Variants in GLIS1 observed in about 807,000 individuals in gnomAD.
GLIS1 encodes zinc finger protein GLIS1.
GLIS1 carries 24 observed loss-of-function variants against 63.8 expected under a neutral mutation model. That is an observed-to-expected ratio of 0.38 (90% CI 0.27 to 0.53). The LOEUF (loss-of-function observed/expected upper bound fraction) is 0.53, where lower values mean the gene tolerates loss of function less well. Ranked by LOEUF, GLIS1 falls within the 20% of genes least tolerant of loss-of-function variation. The probability of loss-of-function intolerance (pLI) is 0.85; values close to 1 mark genes in which losing one functional copy is unlikely to be tolerated. For synonymous variants in GLIS1, 450 were observed against 482.5 expected, an observed-to-expected ratio of 0.93 and a Z score of 0.88; for missense variants, 1,036 against 1,074.1, an observed-to-expected ratio of 0.96 and a Z score of 0.50.
chr1:53,583,225 A>G (rs2100500698), intron 4 of GLIS1, among the ~76,000 whole-genome samples: 1 of 152,338 alleles, frequency 6.6e-6, no homozygotes, highest in Admixed American at 6.5e-5. Flanking sequence ...ACTGTGAAAC[A>G]GCAATCCAGC....
chr1:53,555,932 G>GGTGTGTGTGCAGGTGTACTGCAGGTAT (rs1644816514), intron 4 of GLIS1, among the ~76,000 whole-genome samples: 2 of 131,282 alleles, frequency 1.5e-5, no homozygotes, highest in Admixed American at 7.8e-5. Flanking sequence ...GTGTATTGCA[G>GGTGTGTGTGCAGGTGTACTGCAGGTAT]GTGTGTGTGC....
intron 2 of GLIS1, among the ~76,000 whole-genome samples, chr1:53,626,241 C>A (rs1645592514): frequency 6.6e-6 from 1 of 152,166 alleles, no homozygotes; most frequent in Non-Finnish European, 1.5e-5. Context: ...GTTGCTAATC[C>A]AGCTAGAGTC....
rs116858545 is a variant in GLIS1 at position 53,545,226 on chromosome 1, A to T, written c.1321-15274T>A. ...AGGGCTGTGGAGAGTCAGCATCAAC[A>T]CGGCAGTAACACAGTCTACACTACC... On this transcript the variant is annotated intron_variant, in intron 4 of 10. Coordinates refer to ENST00000628545, the MANE Select transcript of GLIS1 (RefSeq NM_001367484.1). Among the ~76,000 whole-genome samples, 759 of 152,182 alleles carry T rather than the reference A, an allele frequency of 5.0e-3. 10 individuals are homozygous for T. The highest frequency in any genetic ancestry group is 0.037 in the East Asian group (192 of 5,178).
intron 2 of GLIS1, among the ~76,000 whole-genome samples, chr1:53,702,931 C>A (rs1179181285): frequency 6.6e-6 from 1 of 152,190 alleles, no homozygotes; most frequent in African/African-American, 2.4e-5. Flanking sequence ...CTCCTGTCCC[C>A]CAAAAGGCCT....
intron 2 of GLIS1, among the ~76,000 whole-genome samples, chr1:53,679,615 T>C (rs7549345): frequency 0.22 from 34,206 of 152,146 alleles, 3,931 homozygotes; most frequent in East Asian, 0.3. Context: ...TGACAGCCAC[T>C]GTGTCCCAGA....
At chr1:53,570,381 C>T (rs1467862684) in intron 4 of GLIS1, among the ~76,000 whole-genome samples, 1 of 152,058 alleles carries the variant, frequency 6.6e-6, no homozygotes, top group African/African-American at 2.4e-5. Context: ...CCCAGTCTCA[C>T]AAGTAGCTGG....
intron 10 of GLIS1, 131 bp from the exon 11 acceptor site, chr1:53,506,907 T>G (rs1193654533): frequency 3.2e-6 from 3 of 933,390 alleles, no homozygotes; most frequent in Non-Finnish European, 4.7e-6. Context: ...GGGGCCTGCT[T>G]GGAGCCCCCA....
intron 2 of GLIS1, among the ~76,000 whole-genome samples, chr1:53,651,997 A>C (rs1214186599): frequency 6.6e-6 from 1 of 152,152 alleles, no homozygotes; most frequent in Non-Finnish European, 1.5e-5. Flanking sequence ...AGGCCTCTCC[A>C]GAGTTATGCA....
intron 2 of GLIS1, among the ~76,000 whole-genome samples, chr1:53,703,300 C>T (rs1646543745): frequency 6.6e-6 from 1 of 152,136 alleles, no homozygotes; most frequent in Admixed American, 6.5e-5. Context: ...GAGACTCATA[C>T]ATGGGGCACC....
intron 4 of GLIS1, among the ~76,000 whole-genome samples, chr1:53,590,521 C>G (rs1205446287): frequency 6.6e-6 from 1 of 152,152 alleles, no homozygotes; most frequent in Non-Finnish European, 1.5e-5. Flanking sequence ...AAGCTACAGT[C>G]TGCTAATTTC....
At chr1:53,520,377 TGAGGGCTTCATGCC>T (rs1188560244) in intron 7 of GLIS1, among the ~76,000 whole-genome samples, 2 of 152,070 alleles carry the variant, frequency 1.3e-5, no homozygotes, top group Non-Finnish European at 2.9e-5. Flanking sequence ...CTGAGACGGG[TGAGGGCTTCATGCC>T]CTGAGCAATG....
intron 7 of GLIS1, 25 bp from the exon 8 acceptor site, chr1:53,514,806 C>A: frequency 1.3e-6 from 2 of 1,558,038 alleles, no homozygotes; most frequent in Non-Finnish European, 1.7e-6. Context: ...ACAAGGCTCA[C>A]TGGACTCTGG....
At chr1:53,674,567 T>C (rs746495915) in intron 2 of GLIS1, among the ~76,000 whole-genome samples, 1 of 152,166 alleles carries the variant, frequency 6.6e-6, no homozygotes, top group Non-Finnish European at 1.5e-5. Flanking sequence ...CTTGTTGCTG[T>C]TGTTGCTGAA....
intron 4 of GLIS1, among the ~76,000 whole-genome samples, chr1:53,555,374 C>CA (rs1644807893): frequency 6.6e-6 from 1 of 152,024 alleles, no homozygotes; most frequent in African/African-American, 2.4e-5. Context: ...ACTAAAAATA[C>CA]AAAAAATTAG....
intron 2 of GLIS1, among the ~76,000 whole-genome samples, chr1:53,611,598 G>T (rs1183896300): frequency 6.6e-6 from 1 of 152,192 alleles, no homozygotes; most frequent in Non-Finnish European, 1.5e-5. Context: ...GGTAAAAGAG[G>T]AAAATATCAT....
chr1:53,717,960 AC>A (rs1411769569), intron 2 of GLIS1, among the ~76,000 whole-genome samples: 2 of 152,118 alleles, frequency 1.3e-5, no homozygotes, highest in African/African-American at 4.8e-5. Flanking sequence ...TCCACCCCAG[AC>A]CGTGATTCCA....
intron 6 of GLIS1, among the ~76,000 whole-genome samples, chr1:53,523,325 C>T (rs1293857155): frequency 6.6e-6 from 1 of 152,064 alleles, no homozygotes; most frequent in Admixed American, 6.5e-5. Context: ...ACTTCCCAAG[C>T]CTGGCGGTCC....
chr1:53,594,820 C>T lies in GLIS1; in HGVS notation c.608G>A (p.Gly203Asp), dbSNP rs764295009. Residue 203 changes from glycine (G) to aspartate (D), a missense_variant, in exon 4 of 11, where the codon GGC becomes GAC. This residue lies in a region of GLIS1 where 592 missense variants were observed against 593.9 expected (regional missense o/e 1.00). Transcript: ENST00000628545. The part of the protein sequence containing the change: ...TGLHPDLDLP[G>D]RSLATPAPSC... ...AGGCGCAGGGGTGGCGAGGCTTCGGCCCGGGAGGTCCAGGTCTGGGTGCAG... is the reference window on the plus strand; with the variant it reads ...AGGCGCAGGGGTGGCGAGGCTTCGGTCCGGGAGGTCCAGGTCTGGGTGCAG... 3.1e-6 allele frequency: 5 copies of T among 1,605,454 alleles called. No homozygotes were observed. Among genetic ancestry groups the T allele is most frequent in the Non-Finnish European group, 4.2e-6 (5 of 1,177,154 alleles).
At chr1:53,625,904 C>T (rs1645589181) in intron 2 of GLIS1, among the ~76,000 whole-genome samples, 1 of 152,016 alleles carries the variant, frequency 6.6e-6, no homozygotes, top group African/African-American at 2.4e-5. Flanking sequence ...GAAGCTCATG[C>T]CAACCTGGCA....
Sources: allele counts gnomAD v4.1 joint callset (sites outside exome capture counted in the v4.1 genomes callset), GRCh38; gene constraint gnomAD v4.1.1; regional missense constraint gnomAD v4.1.1; transcripts MANE v1.5; gene names NCBI Gene and HGNC (gene_info 2026-07-23, HGNC 2026-07-21).